Variants in RORA observed in about 807,000 individuals in gnomAD.
RORA encodes the protein nuclear receptor ROR-alpha.
In RORA, 7 loss-of-function variants were observed where a neutral mutation model predicts 69.5. That is an observed-to-expected ratio of 0.10 (90% CI 0.06 to 0.19). The LOEUF (loss-of-function observed/expected upper bound fraction) is 0.19, where lower values mean the gene tolerates loss of function less well. Ranked by LOEUF, RORA falls within the 10% of genes least tolerant of loss-of-function variation. The probability of loss-of-function intolerance (pLI) is 1.00; values close to 1 mark genes in which losing one functional copy is unlikely to be tolerated. For synonymous variants in RORA, 261 were observed against 240.8 expected (o/e 1.08, Z -0.78); for missense variants, 457 against 663.0 (o/e 0.69, Z 3.41).
At chr15:60,754,982 C>CTTT (rs34892513) in intron 1 of RORA, among the ~76,000 whole-genome samples, 305 of 144,798 alleles carry the variant, frequency 2.1e-3, no homozygotes, top group African/African-American at 7.1e-3. Context: ...AGAGCTGAGT[C>CTTT]TTTTTTTTTT....
intron 1 of RORA, among the ~76,000 whole-genome samples, chr15:60,941,123 C>T (rs1439000907): frequency 6.6e-6 from 1 of 152,196 alleles, no homozygotes; most frequent in Non-Finnish European, 1.5e-5. Flanking sequence ...AGCTTGGAGA[C>T]ACCAAACACT....
At chr15:60,719,553 AC>A (rs1345084408) in intron 1 of RORA, among the ~76,000 whole-genome samples, 8 of 152,168 alleles carry the variant, frequency 5.3e-5, no homozygotes, top group Non-Finnish European at 1.0e-4. Context: ...AGGTGCAAAA[AC>A]CCGAGAGCAG....
intron 1 of RORA, among the ~76,000 whole-genome samples, chr15:60,696,295 C>T (rs775861544): frequency 6.6e-6 from 1 of 152,078 alleles, no homozygotes; most frequent in African/African-American, 2.4e-5. Flanking sequence ...CAGGGGGAAT[C>T]GGTCCTCCCA....
chr15:60,825,654 C>T (rs1333378158), intron 1 of RORA, among the ~76,000 whole-genome samples: 4 of 152,228 alleles, frequency 2.6e-5, no homozygotes, highest in Non-Finnish European at 4.4e-5. Context: ...TTCCCCTTCA[C>T]ACAAAGCATG....
At chr15:60,732,312 G>A (rs2071439741) in intron 1 of RORA, among the ~76,000 whole-genome samples, 1 of 152,198 alleles carries the variant, frequency 6.6e-6, no homozygotes, top group Non-Finnish European at 1.5e-5. Flanking sequence ...GATTATATAA[G>A]ATGGAAAGGT....
chr15:61,095,892 TC>T (rs1321157488), intron 1 of RORA, among the ~76,000 whole-genome samples: 7 of 152,176 alleles, frequency 4.6e-5, no homozygotes, highest in Non-Finnish European at 2.9e-5. Context: ...AACTGGCCCA[TC>T]TTTTCTACTA....
At chr15:60,969,429 G>C (rs554915169) in intron 1 of RORA, among the ~76,000 whole-genome samples, 2 of 152,054 alleles carry the variant, frequency 1.3e-5, no homozygotes, top group Admixed American at 6.6e-5. Context: ...AAAGCTTTTT[G>C]GGTGATTCTA....
chr15:60,969,644 CATT>C (rs1281824232), intron 1 of RORA, among the ~76,000 whole-genome samples: 1 of 152,174 alleles, frequency 6.6e-6, no homozygotes, highest in Non-Finnish European at 1.5e-5. Flanking sequence ...GCCTGATCAT[CATT>C]ATCTCCGATG....
At position 61,066,938 on chromosome 15, in the gene RORA, C is replaced by T. The variant is rs115749534; in HGVS notation, c.166+162115G>A. On this transcript the variant is annotated intron_variant, in intron 1 of 10. Coordinates refer to ENST00000335670, the MANE Select transcript of RORA (RefSeq NM_134261.3). ...AAGGTGGATAGCCTAGGCCTTGGTCCACTGAGCACTGTCATTTTTGGCAGC... is the reference window on the plus strand; with the variant it reads ...AAGGTGGATAGCCTAGGCCTTGGTCTACTGAGCACTGTCATTTTTGGCAGC... 4.2e-3 allele frequency among the ~76,000 whole-genome samples: 624 copies of T among 147,592 alleles called. 4 individuals are homozygous for T. The highest frequency in any genetic ancestry group is 0.015 in the African/African-American group (600 of 39,924).
intron 1 of RORA, among the ~76,000 whole-genome samples, chr15:61,042,727 C>T (rs1475218283): frequency 6.6e-6 from 1 of 152,222 alleles, no homozygotes; most frequent in Non-Finnish European, 1.5e-5. Context: ...GGGACCTCGT[C>T]CCTCCATAGC....
intron 1 of RORA, among the ~76,000 whole-genome samples, chr15:60,707,334 T>TTTTATTTTA (rs1555447514): frequency 1.5e-5 from 2 of 136,080 alleles, no homozygotes; most frequent in African/African-American, 2.7e-5. Context: ...TATTTCTTTA[T>TTTTATTTTA]TTTATTTATT....
At chr15:60,789,506 A>C (rs1320166702) in intron 1 of RORA, among the ~76,000 whole-genome samples, 1 of 152,340 alleles carries the variant, frequency 6.6e-6, no homozygotes, top group East Asian at 1.9e-4. Context: ...AATTCCCAGC[A>C]CTGGGTCTGC....
chr15:60,927,879 C>A (rs1892262488), intron 1 of RORA, among the ~76,000 whole-genome samples: 1 of 152,206 alleles, frequency 6.6e-6, no homozygotes, highest in African/African-American at 2.4e-5. Context: ...TTTTATAGAG[C>A]AGGATACTCA....
At chr15:60,516,021 T>TTATA (rs1361593376) in intron 3 of RORA, among the ~76,000 whole-genome samples, 3 of 11,806 alleles carry the variant, frequency 2.5e-4, no homozygotes, top group African/African-American at 3.5e-4. Flanking sequence ...TTATATATAT[T>TTATA]TATATATTTA....
chr15:61,043,030 T>A (rs1304707344), intron 1 of RORA, among the ~76,000 whole-genome samples: 1 of 152,186 alleles, frequency 6.6e-6, no homozygotes, highest in African/African-American at 2.4e-5. Flanking sequence ...CTGAGAGTGA[T>A]GGACATGGCG....
rs750471527 is a variant in RORA at position 60,495,088 on chromosome 15, AC to A, written c.*2366del. 1.6e-4 allele frequency: 25 copies of A among 152,324 alleles called. No homozygotes were observed. Among genetic ancestry groups the A allele is most frequent in the Non-Finnish European group, 2.2e-4 (15 of 68,034 alleles). 9.4% of individuals were successfully genotyped at this position (152,324 alleles called of 1,614,324 possible). On this transcript the variant is annotated 3_prime_UTR_variant, in exon 11 of 11. Coordinates refer to ENST00000335670, the MANE Select transcript of RORA (RefSeq NM_134261.3). ...TTTAGTGAATCTGAATGACAAAAAAACAAAACAAAACCAAAACCAAAAAACT... is the reference window on the plus strand; with the variant it reads ...TTTAGTGAATCTGAATGACAAAAAAAAAAACAAAACCAAAACCAAAAAACT...
chr15:60,948,698 G>C (rs538564346), intron 1 of RORA, among the ~76,000 whole-genome samples: 1 of 152,196 alleles, frequency 6.6e-6, no homozygotes, highest in African/African-American at 2.4e-5. Flanking sequence ...TTAAGGGAAA[G>C]AACAAGGTCA....
chr15:61,156,142 CCAGTTCCTTGT>C (rs1212821038), intron 1 of RORA, among the ~76,000 whole-genome samples: 1 of 152,024 alleles, frequency 6.6e-6, no homozygotes, highest in East Asian at 1.9e-4. Context: ...GGGTGAGAAG[CCAGTTCCTTGT>C]CACTTCTCTT....
intron 4 of RORA, among the ~76,000 whole-genome samples, chr15:60,512,986 G>C (rs1567048031): frequency 6.6e-6 from 1 of 152,176 alleles, no homozygotes; most frequent in Non-Finnish European, 1.5e-5. Flanking sequence ...ATAGCTGATG[G>C]GGTGGATGCA....
Sources: allele counts gnomAD v4.1 joint callset (sites outside exome capture counted in the v4.1 genomes callset), GRCh38; gene constraint gnomAD v4.1.1; transcripts MANE v1.5; gene names NCBI Gene and HGNC (gene_info 2026-07-23, HGNC 2026-07-21).